ARHGEF2: variants seen among roughly 807,000 people sequenced by gnomAD.
ARHGEF2 encodes the protein rho guanine nucleotide exchange factor 2.
In ARHGEF2, 22 loss-of-function variants were observed where a neutral mutation model predicts 121.0. The ratio of observed to expected loss-of-function variants is 0.18; its 90% CI spans 0.13 to 0.26. ARHGEF2 has a LOEUF of 0.26. Among genes scored for constraint, ARHGEF2 ranks in the 10% least tolerant of loss-of-function variants. The pLI, the probability that ARHGEF2 is intolerant of heterozygous loss-of-function variation, is 1.00. For synonymous variants in ARHGEF2, 487 were observed against 530.0 expected, an observed-to-expected ratio of 0.92 and a Z score of 1.11; for missense variants, 907 against 1,336.0, an observed-to-expected ratio of 0.68 and a Z score of 5.01.
rs775825798 is a variant in ARHGEF2, at chr1:155,962,563, T to C, written c.1101+30A>G. The C allele has an allele frequency of 1.2e-5, 20 of 1,610,872 alleles. No individual in the cohort carries two copies. The East Asian group carries it at 3.6e-4, about 29-fold the overall frequency. ...AGTTGGGGAGGGTGGGTTTGGGCCATGAGCATGGGATCTGGAGAGGTCCGC... is the reference window on the plus strand; with the variant it reads ...AGTTGGGGAGGGTGGGTTTGGGCCACGAGCATGGGATCTGGAGAGGTCCGC... On this transcript the variant is annotated intron_variant, in intron 9 of 21. Coordinates refer to ENST00000361247, the MANE Select transcript of ARHGEF2 (RefSeq NM_001162383.2). This position sits in a 1 kb window ranked among gnomAD's most constrained non-coding sequence, Gnocchi z 5.8.
intron 1 of ARHGEF2, among the ~76,000 whole-genome samples, chr1:155,973,456 CAG>C (rs1255735022): frequency 6.6e-6 from 1 of 152,174 alleles, no homozygotes; most frequent in Non-Finnish European, 1.5e-5. Context: ...GAAAGAAAGA[CAG>C]GGCCAGGCCG....
intron 1 of ARHGEF2, among the ~76,000 whole-genome samples, chr1:155,976,935 T>G (rs1681403646): frequency 6.6e-6 from 1 of 151,938 alleles, no homozygotes; most frequent in Non-Finnish European, 1.5e-5. Context: ...CCCAACCCCC[T>G]AAGGAAAGTC....
In ARHGEF2 at chr1:155,969,636, G is replaced by C. The variant is rs1265891616; in HGVS notation, c.64-336C>G. 7 of 1,151,512 alleles carry C rather than the reference G, an allele frequency of 6.1e-6. No homozygotes were observed. In the South Asian group the frequency reaches 1.7e-4, roughly 28 times the overall value. 71.3% of individuals were successfully genotyped at this position (1,151,512 alleles called of 1,614,324 possible). A position where few individuals can be genotyped will look rare whatever the true frequency, so the allele number is the denominator to read the frequency against. On this transcript the variant is annotated intron_variant, in intron 1 of 21. Coordinates refer to ENST00000361247, the MANE Select transcript of ARHGEF2 (RefSeq NM_001162383.2). The stretch of plus-strand genomic sequence containing the variant: ...CCCAGCCCTAGCTCTGCTCACCCCC[G>C]AGCTGCTGTACTCTCTTCTCTGTGC...
At position 155,951,295 on chromosome 1, in the gene ARHGEF2, A is replaced by G. The variant is rs1292271273; in HGVS notation, c.2260-23T>C. The G allele has an allele frequency of 6.3e-7, 1 of 1,582,902 alleles. No individual in the cohort carries two copies. The highest frequency in any genetic ancestry group is 2.3e-5 in the East Asian group (1 of 44,396). ...TGCCTGGGAGTAGAATGCAGGCAGAAGGGTTTATCAGAACCCCTGTGCTCT... is the reference window on the plus strand; with the variant it reads ...TGCCTGGGAGTAGAATGCAGGCAGAGGGGTTTATCAGAACCCCTGTGCTCT... On this transcript the variant is annotated intron_variant, in intron 19 of 21. Transcript: ENST00000361247. This position sits in a 1 kb window ranked among gnomAD's most constrained non-coding sequence, Gnocchi z 5.1.
intron 11 of ARHGEF2, among the ~76,000 whole-genome samples, chr1:155,958,937 G>C (rs1430031310): frequency 6.6e-6 from 1 of 151,606 alleles, no homozygotes; most frequent in East Asian, 1.9e-4. Context: ...GCAGGGTGCA[G>C]AAAGATTCAT....
chr1:155,949,057 G>A (rs1383449762), intron 21 of ARHGEF2, among the ~76,000 whole-genome samples: 1 of 151,952 alleles, frequency 6.6e-6, no homozygotes, highest in Non-Finnish European at 1.5e-5. Context: ...AGACCAGCCT[G>A]GCCAACATGG....
At chr1:155,971,979 G>A (rs1006289475) in intron 1 of ARHGEF2, among the ~76,000 whole-genome samples, 2 of 151,794 alleles carry the variant, frequency 1.3e-5, no homozygotes, top group East Asian at 3.9e-4. Flanking sequence ...GCTGGACCAG[G>A]GTCACTCCAG....
chr1:155,950,795 C>T lies in ARHGEF2; in HGVS notation c.2703+34G>A, dbSNP rs1223291817. The T allele has an allele frequency of 2.6e-6, 4 of 1,511,648 alleles. No individual in the cohort carries two copies. In the South Asian group the frequency reaches 5.3e-5, roughly 20 times the overall value. The allele number at this position is 1,511,648 out of a possible 1,614,324, so 93.6% of individuals were successfully genotyped here. A position where few individuals can be genotyped will look rare whatever the true frequency, so the allele number is the denominator to read the frequency against. On this transcript the variant is annotated intron_variant, in intron 20 of 21. Transcript: ENST00000361247. This position sits in a 1 kb window ranked among gnomAD's most constrained non-coding sequence, Gnocchi z 5.2. ...CGGGCTCCATGGACCCTTATGTCCA[C>T]CCCAGGTCCATTCACCACTGCAGGC...
chr1:155,972,910 C>T (rs1463559298), intron 1 of ARHGEF2, among the ~76,000 whole-genome samples: 1 of 151,806 alleles, frequency 6.6e-6, no homozygotes, highest in African/African-American at 2.4e-5. Context: ...TGCTATGTTG[C>T]CCAGGCTGGT....
chr1:155,947,890 C>A lies in ARHGEF2; in HGVS notation c.*52G>T. 1 of 1,151,820 alleles carries A rather than the reference C, an allele frequency of 8.7e-7. No individual in the cohort carries two copies. Among genetic ancestry groups the A allele is most frequent in the Non-Finnish European group, 1.3e-6 (1 of 797,760 alleles). 71.3% of individuals were successfully genotyped at this position (1,151,820 alleles called of 1,614,324 possible). ...GGCAAATTGGAGTCCCCAAGGTTAG[C>A]CCCCTCAGTAATGTTCTTCAGTGGG... On this transcript the variant is annotated 3_prime_UTR_variant, in exon 22 of 22. Transcript: ENST00000361247.
chr1:155,978,284 A>G lies in ARHGEF2; in HGVS notation c.63+81T>C. The G allele has an allele frequency of 8.3e-7, 1 of 1,211,118 alleles. No homozygotes were observed. The highest frequency in any genetic ancestry group is 1.1e-6 in the Non-Finnish European group (1 of 938,436). The allele number at this position is 1,211,118 out of a possible 1,614,324, so 75.0% of individuals were successfully genotyped here. On this transcript the variant is annotated intron_variant, in intron 1 of 21. Transcript: ENST00000361247. The surrounding 1 kb of genome is among the most constrained non-coding windows in gnomAD (Gnocchi z 4.1). Reference sequence around the variant, plus strand: ...TTTGGCGCCCAGAAAGCAGGCGGGGAGACAGGAGATGCACCGCGGGTGCCG... The same window carrying G: ...TTTGGCGCCCAGAAAGCAGGCGGGGGGACAGGAGATGCACCGCGGGTGCCG...
chr1:155,954,506 T>A (rs1301321296), intron 14 of ARHGEF2, among the ~76,000 whole-genome samples: 2 of 149,586 alleles, frequency 1.3e-5, no homozygotes, highest in African/African-American at 4.9e-5. Context: ...GCCAGGATGG[T>A]CTCAATCTCC....
At chr1:155,966,713 G>T (rs1679451035) in intron 3 of ARHGEF2, 107 bp downstream of exon 3, 1 of 1,294,054 alleles carries the variant, frequency 7.7e-7, no homozygotes. Flanking sequence ...CCTTGGTGAG[G>T]AGGTGGGTGG....
intron 1 of ARHGEF2, among the ~76,000 whole-genome samples, chr1:155,972,873 T>A (rs1011124009): frequency 6.6e-6 from 1 of 151,914 alleles, no homozygotes; most frequent in African/African-American, 2.4e-5. Flanking sequence ...ACCTAATTTT[T>A]AAATTTTTTT....
At position 155,950,920 on chromosome 1, in the gene ARHGEF2, G is replaced by A. The variant is rs1675305189; in HGVS notation, c.2612C>T (p.Ala871Val). The A allele has an allele frequency of 6.2e-7, 1 of 1,604,280 alleles. No individual in the cohort carries two copies. The highest frequency in any genetic ancestry group is 8.5e-7 in the Non-Finnish European group (1 of 1,174,120). Residue 871 changes from alanine (A) to valine (V), a missense_variant, in exon 20 of 22, where the codon GCT (alanine) becomes GTT (valine). Physicochemically the swap from Ala to Val is moderately conservative, Grantham distance 64. Around this residue, in one of 2 missense-constraint regions of ARHGEF2, gnomAD observed 432 missense variants for 559.5 expected, o/e 0.77. Transcript: ENST00000361247. The surrounding 1 kb of genome is among the most constrained non-coding windows in gnomAD (Gnocchi z 5.2). Reference protein sequence around the residue: ...AALGQTEPLPAEAPWARRPVD... With the variant: ...AALGQTEPLPVEAPWARRPVD... ...AGGTCTGCGGGCCCAGGGGGCCTCA[G>A]CTGGGAGTGGCTCGGTCTGGCCCAG...
Position 155,951,321 on chromosome 1 carries a change from T to A in ARHGEF2, c.2260-49A>T. 1 of 1,567,830 alleles carries A rather than the reference T, an allele frequency of 6.4e-7. No homozygotes were observed. The highest frequency in any genetic ancestry group is 8.7e-7 in the Non-Finnish European group (1 of 1,153,062). On this transcript the variant is annotated intron_variant, in intron 19 of 21. Transcript: ENST00000361247. The surrounding 1 kb of genome is among the most constrained non-coding windows in gnomAD (Gnocchi z 5.1). ...GGGTTTATCAGAACCCCTGTGCTCT[T>A]CTACCCCTCGCCTTCACCCTCCAAG...
At chr1:155,954,204 T>C (rs553543388) in intron 14 of ARHGEF2, among the ~76,000 whole-genome samples, 1 of 151,412 alleles carries the variant, frequency 6.6e-6, no homozygotes, top group East Asian at 1.9e-4. Flanking sequence ...CTCGAACTCC[T>C]GACCTCAAGA....
chr1:155,950,819 G>A lies in ARHGEF2; in HGVS notation c.2703+10C>T. ...ACCCCAGGTCCATTCACCACTGCAG[G>A]CCACCTTACCTGTGGGGGGTTGAAA... On this transcript the variant is annotated intron_variant, in intron 20 of 21. Transcript: ENST00000361247. This position sits in a 1 kb window ranked among gnomAD's most constrained non-coding sequence, Gnocchi z 5.2. 1.3e-6 allele frequency: 2 copies of A among 1,518,022 alleles called. No individual in the cohort carries two copies. Among genetic ancestry groups the A allele is most frequent in the Non-Finnish European group, 1.8e-6 (2 of 1,133,476 alleles). The allele number at this position is 1,518,022 out of a possible 1,614,324, so 94.0% of individuals were successfully genotyped here. A position where few individuals can be genotyped will look rare whatever the true frequency, so the allele number is the denominator to read the frequency against.
intron 11 of ARHGEF2, among the ~76,000 whole-genome samples, chr1:155,959,006 C>G (rs914428576): frequency 1.3e-5 from 2 of 152,060 alleles, no homozygotes; most frequent in African/African-American, 4.8e-5. Flanking sequence ...CACTCAGTGT[C>G]TACAGAAAAC....
Sources: allele counts gnomAD v4.1 joint callset (sites outside exome capture counted in the v4.1 genomes callset), GRCh38; gene constraint gnomAD v4.1.1; regional missense constraint gnomAD v4.1.1; non-coding constraint Gnocchi (gnomAD v3.1); transcripts MANE v1.5; gene names NCBI Gene and HGNC (gene_info 2026-07-23, HGNC 2026-07-21).